GLIS1: variants seen among roughly 807,000 people sequenced by gnomAD.
GLIS1 encodes GLIS family zinc finger 1.
GLIS1 carries 24 observed loss-of-function variants against 63.8 expected under a neutral mutation model. That is an observed-to-expected ratio of 0.38 (90% CI 0.27 to 0.53). GLIS1 has a LOEUF of 0.53. GLIS1 is among the 20% of genes least tolerant of loss of function. The probability of loss-of-function intolerance (pLI) is 0.85; values close to 1 mark genes in which losing one functional copy is unlikely to be tolerated. For synonymous variants in GLIS1, 450 were observed against 482.5 expected, an observed-to-expected ratio of 0.93 and a Z score of 0.88; for missense variants, 1,036 against 1,074.1, an observed-to-expected ratio of 0.96 and a Z score of 0.50.
chr1:53,594,456 G>C lies in GLIS1; in HGVS notation c.972C>G (p.Pro324=), dbSNP rs150235436. 3 of 1,612,858 alleles carry C rather than the reference G, an allele frequency of 1.9e-6. No individual in the cohort carries two copies. Among genetic ancestry groups the C allele is most frequent in the African/African-American group, 1.3e-5 (1 of 74,954 alleles). ...CAAAGAGCTCTGAAAACTCATCCGC[G>C]GGTTCCTGCTTCAGGAAGCTCGCCT... ...CRKASFLKQE[P]ADEFSELFGP... Residue 324 remains proline (P), a synonymous_variant, in exon 4 of 11, where the codon CCC becomes CCG. Transcript: ENST00000628545.
intron 2 of GLIS1, among the ~76,000 whole-genome samples, chr1:53,694,070 G>A (rs971412903): frequency 7.2e-5 from 11 of 152,280 alleles, no homozygotes; most frequent in African/African-American, 9.6e-5. Context: ...GGCAACAGGC[G>A]GCCACCACAC....
At chr1:53,736,220 T>C (rs1256435416) in intron 2 of GLIS1, among the ~76,000 whole-genome samples, 1 of 152,252 alleles carries the variant, frequency 6.6e-6, no homozygotes, top group Non-Finnish European at 1.5e-5. Flanking sequence ...AATGGAATCC[T>C]GACTTAAAGA....
At chr1:53,532,336 A>G (rs1316712418) in intron 4 of GLIS1, among the ~76,000 whole-genome samples, 1 of 152,136 alleles carries the variant, frequency 6.6e-6, no homozygotes, top group Non-Finnish European at 1.5e-5. Flanking sequence ...AGCTGCTCAG[A>G]CAGATATGAG....
At chr1:53,545,382 C>T (rs1454999787) in intron 4 of GLIS1, among the ~76,000 whole-genome samples, 1 of 152,214 alleles carries the variant, frequency 6.6e-6, no homozygotes, top group Non-Finnish European at 1.5e-5. Flanking sequence ...TGTCCGGCGG[C>T]ATCATGGGGC....
At chr1:53,732,122 A>G (rs982592965) in intron 2 of GLIS1, among the ~76,000 whole-genome samples, 1 of 152,266 alleles carries the variant, frequency 6.6e-6, no homozygotes, top group Non-Finnish European at 1.5e-5. Context: ...GTCTCTTCTC[A>G]GCGCATCTGA....
intron 2 of GLIS1, among the ~76,000 whole-genome samples, chr1:53,709,351 T>TATATATACATATACATATATATATAC (rs1557534154): frequency 5.1e-4 from 46 of 89,458 alleles, no homozygotes; most frequent in Non-Finnish European, 8.4e-4. Context: ...CATATATACA[T>TATATATACATATACATATATATATAC]ATATATACAT....
At chr1:53,568,401 ACTTGT>A (rs922484699) in intron 4 of GLIS1, among the ~76,000 whole-genome samples, 19 of 152,218 alleles carry the variant, frequency 1.2e-4, no homozygotes, top group Admixed American at 4.6e-4. Context: ...GGTGGGAGGG[ACTTGT>A]CTTGTCTCAG....
Position 53,539,704 on chromosome 1 carries a change from CCACCAGCCA to C in GLIS1, c.1321-9761_1321-9753del, listed in dbSNP as rs1372727567. On this transcript the variant is annotated intron_variant, in intron 4 of 10. Transcript: ENST00000628545. This position sits in a 1 kb window ranked among gnomAD's most constrained non-coding sequence, Gnocchi z 5.0. ...CATTCACAAACACACTAACCCCCAC[CCACCAGCCA>C]CACCGACACACTGCCCCACGCATAG... Among the ~76,000 whole-genome samples, 4 of 152,274 alleles carry C rather than the reference CCACCAGCCA, an allele frequency of 2.6e-5. No homozygotes were observed. Among genetic ancestry groups the C allele is most frequent in the Admixed American group, 2.0e-4 (3 of 15,302 alleles).
chr1:53,581,868 C>T (rs1275139035), intron 4 of GLIS1, among the ~76,000 whole-genome samples: 1 of 152,070 alleles, frequency 6.6e-6, no homozygotes, highest in Non-Finnish European at 1.5e-5. Context: ...CCACCCCCTT[C>T]CTCCTCCCTA....
At chr1:53,683,654 G>A (rs1570043007) in intron 2 of GLIS1, among the ~76,000 whole-genome samples, 2 of 152,148 alleles carry the variant, frequency 1.3e-5, no homozygotes, top group Non-Finnish European at 2.9e-5. Context: ...CCTAGCAGAA[G>A]ACCTGGCACG....
rs1295501905 is a variant in GLIS1 at position 53,699,652 on chromosome 1, T to C, written c.259+38154A>G. Among the ~76,000 whole-genome samples, 29 of 152,166 alleles carry C rather than the reference T, an allele frequency of 1.9e-4. 1 individual carries two copies. The highest frequency in any genetic ancestry group is 1.9e-3 in the Admixed American group (29 of 15,278). ...TACTCAACCTGTACCATAGAGTGGG[T>C]GCCAAAACAACAGAAATTTATTTCT... On this transcript the variant is annotated intron_variant, in intron 2 of 10. Coordinates refer to ENST00000628545, the MANE Select transcript of GLIS1 (RefSeq NM_001367484.1).
chr1:53,574,545 T>C lies in GLIS1; in HGVS notation c.1320+19563A>G, dbSNP rs1645013758. ...ATTGTACAGGTGAGGAAACAGAAGC[T>C]TCAGAAAGGTAAAGTGACTTTCCCC... On this transcript the variant is annotated intron_variant, in intron 4 of 10. Transcript: ENST00000628545. The surrounding 1 kb of genome is among the most constrained non-coding windows in gnomAD (Gnocchi z 4.2). 6.6e-6 allele frequency among the ~76,000 whole-genome samples: 1 copy of C among 152,190 alleles called. No homozygotes were observed. Among genetic ancestry groups the C allele is most frequent in the Non-Finnish European group, 1.5e-5 (1 of 68,030 alleles).
chr1:53,623,090 G>C (rs1225988669), intron 2 of GLIS1, among the ~76,000 whole-genome samples: 1 of 152,046 alleles, frequency 6.6e-6, no homozygotes, highest in Non-Finnish European at 1.5e-5. Context: ...GACTTTTTAT[G>C]ATTTACAACC....
intron 2 of GLIS1, among the ~76,000 whole-genome samples, chr1:53,655,140 G>A (rs1645950640): frequency 6.6e-6 from 1 of 152,140 alleles, no homozygotes; most frequent in Admixed American, 6.5e-5. Context: ...AGGAAACTGA[G>A]GCTGAAAATG....
At chr1:53,707,927 G>A (rs1362118207) in intron 2 of GLIS1, among the ~76,000 whole-genome samples, 1 of 151,972 alleles carries the variant, frequency 6.6e-6, no homozygotes, top group Non-Finnish European at 1.5e-5. Context: ...CCACACACTA[G>A]GCTGGTGCTT....
intron 2 of GLIS1, among the ~76,000 whole-genome samples, chr1:53,716,420 G>C (rs1570096775): frequency 6.6e-6 from 1 of 152,120 alleles, no homozygotes; most frequent in Non-Finnish European, 1.5e-5. Flanking sequence ...TGACATCCTC[G>C]TATGGCCAGA....
chr1:53,608,035 C>T (rs1219002895), intron 2 of GLIS1, among the ~76,000 whole-genome samples: 2 of 150,100 alleles, frequency 1.3e-5, no homozygotes, highest in Non-Finnish European at 2.9e-5. Flanking sequence ...GATCATAGCA[C>T]ACTGCAGCCT....
intron 4 of GLIS1, among the ~76,000 whole-genome samples, chr1:53,570,988 T>TA (rs1265237783): frequency 2.9e-4 from 44 of 150,448 alleles, no homozygotes; most frequent in Admixed American, 7.9e-4. Flanking sequence ...AAGCTTCTAC[T>TA]AAAAAAAAAT....
intron 2 of GLIS1, among the ~76,000 whole-genome samples, chr1:53,675,346 G>C (rs1356484406): frequency 2.0e-5 from 3 of 152,188 alleles, no homozygotes; most frequent in Non-Finnish European, 4.4e-5. Flanking sequence ...GGCTCAGAGA[G>C]GGTATATGGC....
Sources: allele counts gnomAD v4.1 joint callset (sites outside exome capture counted in the v4.1 genomes callset), GRCh38; gene constraint gnomAD v4.1.1; non-coding constraint Gnocchi (gnomAD v3.1); transcripts MANE v1.5; gene names NCBI Gene and HGNC (gene_info 2026-07-23, HGNC 2026-07-21).